Variants in RPE65 observed in about 807,000 individuals in gnomAD.
RPE65 encodes retinoid isomerohydrolase.
Under a neutral mutation model 68.5 loss-of-function variants are expected in RPE65, and 58 were observed. The ratio of observed to expected loss-of-function variants is 0.85; its 90% CI spans 0.69 to 1.05. The LOEUF (loss-of-function observed/expected upper bound fraction) is 1.05. Among genes scored for constraint, RPE65 ranks in the 50% least tolerant of loss-of-function variants. The pLI is 0.00. For synonymous variants in RPE65, 220 were observed against 222.2 expected (o/e 0.99, Z 0.09); for missense variants, 643 against 629.9 (o/e 1.02, Z -0.22).
At chr1:68,432,667 G>A (rs1645835709) in intron 10 of RPE65, among the ~76,000 whole-genome samples, 1 of 152,170 alleles carries the variant, frequency 6.6e-6, no homozygotes, top group South Asian at 2.1e-4. Flanking sequence ...AAGCCTCGTA[G>A]GTCATTATGA....
At position 68,446,813 on chromosome 1, in the gene RPE65, C is replaced by A; in HGVS notation, c.142G>T (p.Gly48Ter). ...GGCTCAGATCCAACTTCAAAGAGTC[C>A]TGGCCCACATCGAAGGAGACTGCCG... ...LTGSLLRCGP[G>*]LFEVGSEPFY... The change falls in exon 3 of 14, where the codon GGA (glycine) becomes TGA (stop). Residue 48 changes from glycine to a stop codon, truncating the protein, a stop_gained. Coordinates refer to ENST00000262340, the MANE Select transcript of RPE65 (RefSeq NM_000329.3). LOFTEE classifies it high-confidence loss of function. 1.2e-6 allele frequency: 2 copies of A among 1,614,092 alleles called. No homozygotes were observed. Among genetic ancestry groups the A allele is most frequent in the Non-Finnish European group, 1.7e-6 (2 of 1,180,026 alleles).
At chr1:68,439,411 C>A in intron 7 of RPE65, 88 bp from the exon 8 acceptor site, 1 of 1,579,188 alleles carries the variant, frequency 6.3e-7, no homozygotes, top group Non-Finnish European at 8.7e-7. Flanking sequence ...TGCTCAGTTA[C>A]AAGAATCAAC....
At chr1:68,441,407 T>C (rs2100822558) in intron 5 of RPE65, among the ~76,000 whole-genome samples, 1 of 152,266 alleles carries the variant, frequency 6.6e-6, no homozygotes, top group Non-Finnish European at 1.5e-5. Flanking sequence ...CAATTTCGTA[T>C]GGTACTATGT....
Position 68,429,594 on chromosome 1 carries a change from T to G in RPE65, c.*182A>C. On this transcript the variant is annotated 3_prime_UTR_variant, in exon 14 of 14. Coordinates refer to ENST00000262340, the MANE Select transcript of RPE65 (RefSeq NM_000329.3). ...GTATGATTATCTAAATACGTACTTT[T>G]TTTTTTAAATAAAGGAATTGCTTGC... The G allele has an allele frequency of 1.5e-6, 1 of 653,870 alleles. No homozygotes were observed. The highest frequency in any genetic ancestry group is 1.8e-5 in the African/African-American group (1 of 54,950). 40.5% of individuals were successfully genotyped at this position (653,870 alleles called of 1,614,324 possible). A position where few individuals can be genotyped will look rare whatever the true frequency, so the allele number is the denominator to read the frequency against.
intron 1 of RPE65, among the ~76,000 whole-genome samples, chr1:68,449,564 G>A (rs1645967488): frequency 6.6e-6 from 1 of 152,066 alleles, no homozygotes; most frequent in African/African-American, 2.4e-5. Flanking sequence ...TCTATATACA[G>A]GAAAAGCTAG....
intron 10 of RPE65, among the ~76,000 whole-genome samples, chr1:68,434,557 G>A (rs1343065267): frequency 6.6e-6 from 1 of 152,078 alleles, no homozygotes; most frequent in African/African-American, 2.4e-5. Flanking sequence ...TAGTGGTGAT[G>A]CTGGGAAGAA....
rs1204293412 is a variant in RPE65, at chr1:68,429,445, G to T, written c.*331C>A. The T allele has an allele frequency of 3.2e-6, 1 of 315,370 alleles. No homozygotes were observed. The highest frequency in any genetic ancestry group is 2.2e-5 in the African/African-American group (1 of 45,616). The allele number at this position is 315,370 out of a possible 1,614,324, so 19.5% of individuals were successfully genotyped here. A position where few individuals can be genotyped will look rare whatever the true frequency, so the allele number is the denominator to read the frequency against. On this transcript the variant is annotated 3_prime_UTR_variant, in exon 14 of 14. Transcript: ENST00000262340. ...AAATGTTAAAAATATAATTGGAGCA[G>T]ATAGGTACCTAAAATATGCTCTTAT...
chr1:68,431,247 G>A (rs2100807235), intron 12 of RPE65, 35 bp downstream of exon 12: 1 of 1,608,956 alleles, frequency 6.2e-7, no homozygotes, highest in African/African-American at 1.3e-5. Flanking sequence ...TATACTCAAA[G>A]CACTGTTCAA....
intron 2 of RPE65, 36 bp from the exon 3 acceptor site, chr1:68,446,896 C>A (rs1161495263): frequency 6.2e-7 from 1 of 1,612,452 alleles, no homozygotes; most frequent in Admixed American, 1.7e-5. Context: ...TGCTTCTTAT[C>A]CCTGCCTTGG....
intron 5 of RPE65, among the ~76,000 whole-genome samples, chr1:68,442,340 A>G (rs1279973353): frequency 1.3e-5 from 2 of 152,202 alleles, no homozygotes; most frequent in Admixed American, 1.3e-4. Flanking sequence ...ATGTAAATGC[A>G]TAGACTTGTG....
At position 68,429,774 on chromosome 1, in the gene RPE65, G is replaced by C; in HGVS notation, c.*2C>G. 2 of 1,613,422 alleles carry C rather than the reference G, an allele frequency of 1.2e-6. No homozygotes were observed. Among genetic ancestry groups the C allele is most frequent in the East Asian group, 4.5e-5 (2 of 44,854 alleles). ...CCAAAAACATATCTTGCTGGAGTAT[G>C]CTCAAGATTTTTTGAACAGTCCATG... On this transcript the variant is annotated 3_prime_UTR_variant, in exon 14 of 14. Coordinates refer to ENST00000262340, the MANE Select transcript of RPE65 (RefSeq NM_000329.3).
At chr1:68,432,076 A>G (rs1240686866) in intron 10 of RPE65, among the ~76,000 whole-genome samples, 1 of 151,966 alleles carries the variant, frequency 6.6e-6, no homozygotes, top group Admixed American at 6.5e-5. Context: ...AGAAAAAAAA[A>G]AAACGCTGGA....
In RPE65 at chr1:68,431,460, G is replaced by A; in HGVS notation, c.1243+11C>T. 6.2e-7 allele frequency: 1 copy of A among 1,613,218 alleles called. No homozygotes were observed. The highest frequency in any genetic ancestry group is 8.5e-7 in the Non-Finnish European group (1 of 1,179,338). On this transcript the variant is annotated intron_variant, in intron 11 of 13. Transcript: ENST00000262340. ...TCACTCCCGTGTGAAGTTTTCTCTAGATCATCTCACCTTGACGAGGCCCTG... is the reference window on the plus strand; with the variant it reads ...TCACTCCCGTGTGAAGTTTTCTCTAAATCATCTCACCTTGACGAGGCCCTG...
At position 68,429,539 on chromosome 1, in the gene RPE65, T is replaced by G; in HGVS notation, c.*237A>C. 1.9e-6 allele frequency: 1 copy of G among 519,798 alleles called. No individual in the cohort carries two copies. The highest frequency in any genetic ancestry group is 2.1e-5 in the South Asian group (1 of 46,520). The allele number at this position is 519,798 out of a possible 1,614,324, so 32.2% of individuals were successfully genotyped here. The stretch of plus-strand genomic sequence containing the variant: ...ATTTGATTGCTAAATATTTAAGAGT[T>G]TTTCAGTTATGGCCTGTCTCACAGA... On this transcript the variant is annotated 3_prime_UTR_variant, in exon 14 of 14. Transcript: ENST00000262340.
At chr1:68,438,846 T>C in intron 9 of RPE65, 96 bp downstream of exon 9, 1 of 1,467,452 alleles carries the variant, frequency 6.8e-7, no homozygotes, top group African/African-American at 1.4e-5. Context: ...CTTGCTGTTT[T>C]AGATGTGATT....
At position 68,439,324 on chromosome 1, in the gene RPE65, C is replaced by T; in HGVS notation, c.726-1G>A. On this transcript the variant is annotated splice_acceptor_variant, in intron 7 of 13. Coordinates refer to ENST00000262340, the MANE Select transcript of RPE65 (RefSeq NM_000329.3). LOFTEE classifies it high-confidence loss of function. ...GATATAGTTGGGAGTCAGACCAAAA[C>T]TGTTCAGAAACACAAATGGGCTTGT... The T allele has an allele frequency of 1.2e-6, 2 of 1,613,234 alleles. No individual in the cohort carries two copies. Among genetic ancestry groups the T allele is most frequent in the Non-Finnish European group, 1.7e-6 (2 of 1,179,924 alleles).
In RPE65 at chr1:68,449,049, TC is replaced by T. The variant is rs1306824927; in HGVS notation, c.12-344del. 2.0e-5 allele frequency among the ~76,000 whole-genome samples: 3 copies of T among 152,160 alleles called. No homozygotes were observed. In the East Asian group the frequency reaches 5.8e-4, roughly 29 times the overall value. On this transcript the variant is annotated intron_variant, in intron 1 of 13. Transcript: ENST00000262340. ...TTCCTTACTTCGGAAGACAAATCAATCAATCCTACTGCCATCAGTTCACTTC... is the reference window on the plus strand; with the variant it reads ...TTCCTTACTTCGGAAGACAAATCAATAATCCTACTGCCATCAGTTCACTTC...
rs1645807930 is a variant in RPE65 at position 68,429,903 on chromosome 1, C to T, written c.1475G>A (p.Ser492Asn). 1 of 1,613,456 alleles carries T rather than the reference C, an allele frequency of 6.2e-7. No homozygotes were observed. The change falls in exon 14 of 14, where the codon AGC (serine) becomes AAC (asparagine). Residue 492 changes from serine to asparagine, a missense_variant. By Grantham distance (46) the Ser-to-Asn change is conservative (BLOSUM62 1). Transcript: ENST00000262340. Reference protein sequence around the residue: ...DDGVVLSVVVSPGAGQKPAYL... With the variant: ...DDGVVLSVVVNPGAGQKPAYL... ...AGCAGGCTTTTGTCCTGCTCCTGGG[C>T]TCACCACCACACTCAGAACTACACC...
intron 2 of RPE65, among the ~76,000 whole-genome samples, chr1:68,447,755 C>T (rs1645952812): frequency 2.0e-5 from 3 of 152,134 alleles, no homozygotes; most frequent in Admixed American, 6.5e-5. Context: ...AAGGCTGAGG[C>T]AGGAGAATGG....
Sources: allele counts gnomAD v4.1 joint callset (sites outside exome capture counted in the v4.1 genomes callset), GRCh38; gene constraint gnomAD v4.1.1; transcripts MANE v1.5; gene names NCBI Gene and HGNC (gene_info 2026-07-23, HGNC 2026-07-21).